The following ATG7 variants were observed in gnomAD, a reference collection of about 807,000 sequenced individuals.
ATG7 encodes the protein ubiquitin-like modifier-activating enzyme ATG7.
In ATG7, 70 loss-of-function variants were observed where a neutral mutation model predicts 82.4. That is an observed-to-expected ratio of 0.85 (90% CI 0.70 to 1.04). The LOEUF (loss-of-function observed/expected upper bound fraction) is 1.04, where lower values mean the gene tolerates loss of function less well. Among genes scored for constraint, ATG7 ranks in the 50% least tolerant of loss-of-function variants. ATG7 has a pLI of 0.00. For missense variants in ATG7, 792 were observed against 864.3 expected, an observed-to-expected ratio of 0.92 and a Z score of 1.05; for synonymous variants, 287 against 313.0, an observed-to-expected ratio of 0.92 and a Z score of 0.88.
chr3:11,306,328 C>T (rs149555155), intron 5 of ATG7, among the ~76,000 whole-genome samples: 123 of 152,326 alleles, frequency 8.1e-4, no homozygotes, highest in African/African-American at 2.7e-3. Context: ...TAGTGTCCTC[C>T]AGCTGGGTGG....
chr3:11,323,493 C>T (rs568505732), intron 9 of ATG7, among the ~76,000 whole-genome samples: 4 of 152,178 alleles, frequency 2.6e-5, no homozygotes, highest in Non-Finnish European at 5.9e-5. Flanking sequence ...TCCACAGTCG[C>T]ACTCCATTGC....
intron 20 of ATG7, among the ~76,000 whole-genome samples, chr3:11,456,525 C>T (rs368844304): frequency 5.5e-4 from 84 of 152,192 alleles, no homozygotes; most frequent in African/African-American, 1.9e-3. Flanking sequence ...TGTATTGTGT[C>T]GTAACTTTTT....
chr3:11,434,614 CT>C (rs1047830326), intron 20 of ATG7, among the ~76,000 whole-genome samples: 1 of 152,188 alleles, frequency 6.6e-6, no homozygotes, highest in African/African-American at 2.4e-5. Flanking sequence ...TCACTTATAA[CT>C]TACTTTATAA....
intron 20 of ATG7, among the ~76,000 whole-genome samples, chr3:11,468,234 T>C (rs1258325278): frequency 6.6e-6 from 1 of 152,158 alleles, no homozygotes; most frequent in South Asian, 2.1e-4. Flanking sequence ...ATTTTTACCA[T>C]TTGGATTTTG....
intron 3 of ATG7, among the ~76,000 whole-genome samples, chr3:11,286,914 T>C (rs1944177097): frequency 6.6e-6 from 1 of 151,098 alleles, no homozygotes; most frequent in African/African-American, 2.4e-5. Context: ...CTTTTTTTAT[T>C]ATTATTATTA....
chr3:11,287,095 A>G (rs753413288), intron 3 of ATG7, among the ~76,000 whole-genome samples: 30 of 152,224 alleles, frequency 2.0e-4, no homozygotes, highest in Non-Finnish European at 4.0e-4. Flanking sequence ...TCATCCTAGT[A>G]ATGTTTGAGA....
At chr3:11,329,259 T>C (rs1951308714) in intron 9 of ATG7, among the ~76,000 whole-genome samples, 1 of 152,204 alleles carries the variant, frequency 6.6e-6, no homozygotes, top group Non-Finnish European at 1.5e-5. Context: ...ATGGGTATTC[T>C]TCTGAATATT....
intron 20 of ATG7, among the ~76,000 whole-genome samples, chr3:11,458,499 G>A (rs899030784): frequency 6.6e-5 from 10 of 152,212 alleles, no homozygotes; most frequent in East Asian, 1.9e-4. Context: ...TCCTGACCTC[G>A]TGATCCGCCC....
intron 20 of ATG7, chr3:11,477,032 T>G (rs2153025748): frequency 1.7e-6 from 2 of 1,160,406 alleles, no homozygotes; most frequent in East Asian, 1.2e-4. Context: ...ATTAAATGAT[T>G]GTTATGCACA....
intron 20 of ATG7, among the ~76,000 whole-genome samples, chr3:11,441,270 G>A (rs908002692): frequency 7.2e-5 from 11 of 151,994 alleles, no homozygotes; most frequent in African/African-American, 2.7e-4. Context: ...TTGAGATGGA[G>A]TCTCACTCTG....
Position 11,420,264 on chromosome 3 carries a change from GT to G in ATG7, c.1957-6535del, listed in dbSNP as rs531564074. Reference sequence around the variant, plus strand: ...ATTAAATATGCCCCTAGAGGATTAAGTTTTTCCACATATTTTTAAGCCAGTG... The same window carrying G: ...ATTAAATATGCCCCTAGAGGATTAAGTTTTCCACATATTTTTAAGCCAGTG... On this transcript the variant is annotated intron_variant, in intron 19 of 20. Coordinates refer to ENST00000693202, the MANE Select transcript of ATG7 (RefSeq NM_001349232.2). Among the ~76,000 whole-genome samples the G allele has an allele frequency of 1.4e-4, 22 of 152,246 alleles. No individual in the cohort carries two copies. The South Asian group carries it at 3.3e-3, about 23-fold the overall frequency.
intron 20 of ATG7, among the ~76,000 whole-genome samples, chr3:11,458,601 C>T (rs1190345548): frequency 1.3e-5 from 2 of 152,232 alleles, no homozygotes; most frequent in African/African-American, 4.8e-5. Flanking sequence ...CAGCTATTAA[C>T]ACATTGTGTG....
rs773498892 is a variant in ATG7, at chr3:11,379,993, T to A, written c.1897T>A (p.Phe633Ile). The change falls in exon 19 of 21, where the codon TTT becomes ATT. Residue 633 changes from phenylalanine to isoleucine, a missense_variant. Phe to Ile is a conservative substitution (Grantham distance 21). Transcript: ENST00000693202. ...TTAGATCCGGGGATTTCTTTCACGGTTTGATAATGTCCTTCCCGTCAGCCT... is the reference window on the plus strand; with the variant it reads ...TTAGATCCGGGGATTTCTTTCACGGATTGATAATGTCCTTCCCGTCAGCCT... ...PHQIRGFLSR[F>I]DNVLPVSLAF... is the part of the protein sequence containing the mutation. The A allele has an allele frequency of 6.2e-7, 1 of 1,614,172 alleles. No individual in the cohort carries two copies. Among genetic ancestry groups the A allele is most frequent in the Non-Finnish European group, 8.5e-7 (1 of 1,180,008 alleles).
chr3:11,474,607 CAAAA>C lies in ATG7; in HGVS notation c.2079+47685_2079+47688del, dbSNP rs1378788938. Among the ~76,000 whole-genome samples the C allele has an allele frequency of 2.6e-5, 4 of 151,902 alleles. No individual in the cohort carries two copies. In the East Asian group the frequency reaches 7.7e-4, roughly 29 times the overall value. ...AGAGTAAGCCCCTATCTCCCCATCTCAAAAAAAGAAAGAAAGAAAACAGAGTGTT... is the reference window on the plus strand; with the variant it reads ...AGAGTAAGCCCCTATCTCCCCATCTCAAAGAAAGAAAGAAAACAGAGTGTT... On this transcript the variant is annotated intron_variant, in intron 20 of 20. Transcript: ENST00000693202.
At chr3:11,390,260 G>A (rs1464830158) in intron 19 of ATG7, among the ~76,000 whole-genome samples, 1 of 152,132 alleles carries the variant, frequency 6.6e-6, no homozygotes. Context: ...TTAATCATAA[G>A]GCACACAGAT....
chr3:11,398,200 T>C (rs1467062201), intron 19 of ATG7, among the ~76,000 whole-genome samples: 1 of 152,176 alleles, frequency 6.6e-6, no homozygotes, highest in Non-Finnish European at 1.5e-5. Flanking sequence ...AAGCATATTC[T>C]AGTGAATACA....
intron 20 of ATG7, among the ~76,000 whole-genome samples, chr3:11,539,758 T>G (rs2070672513): frequency 1.3e-5 from 2 of 152,246 alleles, no homozygotes; most frequent in Non-Finnish European, 2.9e-5. Flanking sequence ...ATCAAATATA[T>G]GTAAAAGTGC....
intron 13 of ATG7, among the ~76,000 whole-genome samples, chr3:11,343,158 C>A (rs1322504489): frequency 6.6e-6 from 1 of 151,920 alleles, no homozygotes; most frequent in Non-Finnish European, 1.5e-5. Flanking sequence ...TGAACTCTTG[C>A]CCTCAAGTGA....
At chr3:11,574,941 G>A in the ATG7 span, among the ~76,000 whole-genome samples, 1 of 152,000 alleles carries the variant, frequency 6.6e-6, no homozygotes, top group African/African-American at 2.4e-5. Context: ...GAAGCTTGTC[G>A]GCCGAGTTAC....
Sources: allele counts gnomAD v4.1 joint callset (sites outside exome capture counted in the v4.1 genomes callset), GRCh38; gene constraint gnomAD v4.1.1; transcripts MANE v1.5; gene names NCBI Gene and HGNC (gene_info 2026-07-23, HGNC 2026-07-21).